The following GTPBP1 variants were observed in gnomAD, a reference collection of about 807,000 sequenced individuals.
The protein encoded by GTPBP1 is GTP-binding protein 1.
In GTPBP1, 23 loss-of-function variants were observed where a neutral mutation model predicts 62.0. The ratio of observed to expected loss-of-function variants is 0.37; its 90% confidence interval spans 0.27 to 0.53. The LOEUF (loss-of-function observed/expected upper bound fraction) is 0.53, where lower values mean the gene tolerates loss of function less well. Ranked by LOEUF, GTPBP1 falls within the 20% of genes least tolerant of loss-of-function variation. The pLI, the probability that GTPBP1 is intolerant of heterozygous loss-of-function variation, is 0.89. For missense variants in GTPBP1, 640 were observed against 917.3 expected, an observed-to-expected ratio of 0.70 and a Z score of 3.90; for synonymous variants, 344 against 364.4, an observed-to-expected ratio of 0.94 and a Z score of 0.64.
chr22:38,725,996 C>G lies in GTPBP1; in HGVS notation c.1074-10C>G, dbSNP rs1193391133. The G allele has an allele frequency of 1.2e-6, 2 of 1,613,088 alleles. No individual in the cohort carries two copies. The highest frequency in any genetic ancestry group is 1.7e-5 in the Admixed American group (1 of 59,970). ...TCTCCTTTTTTCCTTCCTCTTCTCC[C>G]TCTGCTTAGGATGTGCCCGATATTC... On this transcript the variant is annotated splice_polypyrimidine_tract_variant and intron_variant, in intron 6 of 11. Coordinates refer to ENST00000216044, the MANE Select transcript of GTPBP1 (RefSeq NM_004286.5).
Position 38,730,918 on chromosome 22 carries a change from G to C in GTPBP1, c.*214G>C. The C allele has an allele frequency of 5.6e-6, 3 of 538,132 alleles. No homozygotes were observed. The South Asian group carries it at 7.1e-5, about 13-fold the overall frequency. 33.3% of individuals were successfully genotyped at this position (538,132 alleles called of 1,614,324 possible). On this transcript the variant is annotated 3_prime_UTR_variant, in exon 12 of 12. Coordinates refer to ENST00000216044, the MANE Select transcript of GTPBP1 (RefSeq NM_004286.5). The surrounding 1 kb of genome is among the most constrained non-coding windows in gnomAD (Gnocchi z 5.6). Reference sequence around the variant, plus strand: ...TCCGGAGGACTGACCATCTCTCACTGTCCTCCCCACCTTCTTCCTCACTCA... The same window carrying C: ...TCCGGAGGACTGACCATCTCTCACTCTCCTCCCCACCTTCTTCCTCACTCA...
At chr22:38,725,039 A>G (rs1239289847) in intron 6 of GTPBP1, 1 of 152,754 alleles carries the variant, frequency 6.5e-6, no homozygotes, top group Non-Finnish European at 1.5e-5. Context: ...GAACTCTACT[A>G]ACTCTGCCTG....
At chr22:38,742,341 A>C, downstream of GTPBP1, 1 of 1,609,218 alleles carries the variant, frequency 6.2e-7, no homozygotes. Flanking sequence ...ATCCTCCTTC[A>C]GGGCAGCTTC....
chr22:38,723,797 C>CTT (rs962818584), intron 5 of GTPBP1, among the ~76,000 whole-genome samples: 1 of 152,344 alleles, frequency 6.6e-6, no homozygotes, highest in African/African-American at 2.4e-5. Flanking sequence ...GCCACCAAAG[C>CTT]TTTGACACAG....
rs1431711184 is a variant in GTPBP1, at chr22:38,726,021, C to T, written c.1089C>T (p.Phe363=). The T allele has an allele frequency of 7.4e-6, 12 of 1,613,912 alleles. No individual in the cohort carries two copies. Among genetic ancestry groups the T allele is most frequent in the Non-Finnish European group, 1.0e-5 (12 of 1,179,958 alleles). ...NFSSERMCPI[F]QISNVTGENL... ...CTCTGCTTAGGATGTGCCCGATATT[C>T]CAGATCTCCAACGTTACAGGCGAGA... Residue 363 remains phenylalanine (F), a synonymous_variant, in exon 7 of 12, where the codon TTC becomes TTT. Transcript: ENST00000216044. The surrounding 1 kb of genome is among the most constrained non-coding windows in gnomAD (Gnocchi z 4.1).
At chr22:38,723,979 T>C (rs1362197000) in intron 5 of GTPBP1, among the ~76,000 whole-genome samples, 1 of 152,078 alleles carries the variant, frequency 6.6e-6, no homozygotes, top group Non-Finnish European at 1.5e-5. Context: ...AGAACTGAAG[T>C]GTGAAGTGAA....
chr22:38,714,810 C>T (rs915993465), intron 2 of GTPBP1, among the ~76,000 whole-genome samples: 1 of 152,018 alleles, frequency 6.6e-6, no homozygotes, highest in Admixed American at 6.6e-5. Context: ...CAGGGGTGCT[C>T]TCAGAGACAG....
chr22:38,723,099 G>C (rs1396849382), intron 5 of GTPBP1: 6 of 770,554 alleles, frequency 7.8e-6, no homozygotes, highest in Non-Finnish European at 1.4e-5. Context: ...TGACTAAAGT[G>C]GGAATCCACT....
downstream of GTPBP1, chr22:38,739,099 T>G (rs1569295379): frequency 2.6e-6 from 3 of 1,143,872 alleles, no homozygotes; most frequent in East Asian, 5.1e-5. The surrounding 1 kb of genome is among the most constrained non-coding windows in gnomAD (Gnocchi z 6.7). Flanking sequence ...AGGCCTAGCC[T>G]TTAACCCTAA....
At chr22:38,741,696 C>T, downstream of GTPBP1, 1 of 820,942 alleles carries the variant, frequency 1.2e-6, no homozygotes. Context: ...GGCTCTCAGC[C>T]TTCTCTGAAC....
downstream of GTPBP1, chr22:38,742,380 G>T (rs564884199): frequency 4.3e-6 from 7 of 1,613,134 alleles, no homozygotes; most frequent in African/African-American, 4.0e-5. Context: ...CTCCAGCAGC[G>T]CCAGGGTGTC....
intron 10 of GTPBP1, 30 bp downstream of exon 10, chr22:38,728,191 C>T (rs1289012240): frequency 6.6e-6 from 10 of 1,513,116 alleles, no homozygotes; most frequent in Non-Finnish European, 9.2e-6. Flanking sequence ...TGCCTGCCTC[C>T]AGGAAGCACC....
In GTPBP1 at chr22:38,716,806, G is replaced by A; in HGVS notation, c.640G>A (p.Asp214Asn). Residue 214 changes from aspartate to asparagine, a missense_variant, in exon 4 of 12, where the codon GAC (aspartate) becomes AAC (asparagine). Coordinates refer to ENST00000216044, the MANE Select transcript of GTPBP1 (RefSeq NM_004286.5). This position sits in a 1 kb window ranked among gnomAD's most constrained non-coding sequence, Gnocchi z 5.2. ...ESGRTSSVGN[D>N]ILGFDSEGNV... ...TGGTCGCACCAGCAGTGTGGGCAACGACATTCTGGGCTTTGACAGTGAAGG... is the reference window on the plus strand; with the variant it reads ...TGGTCGCACCAGCAGTGTGGGCAACAACATTCTGGGCTTTGACAGTGAAGG... 1.9e-6 allele frequency: 3 copies of A among 1,614,208 alleles called. No individual in the cohort carries two copies. The highest frequency in any genetic ancestry group is 1.1e-5 in the South Asian group (1 of 91,074).
chr22:38,710,379 G>A (rs933266014), intron 2 of GTPBP1, among the ~76,000 whole-genome samples: 1 of 152,194 alleles, frequency 6.6e-6, no homozygotes, highest in African/African-American at 2.4e-5. Flanking sequence ...TGGAAATGTT[G>A]TAAGAGTGAC....
downstream of GTPBP1, chr22:38,738,271 AAG>A: frequency 6.2e-7 from 1 of 1,612,798 alleles, no homozygotes; most frequent in Non-Finnish European, 8.5e-7. This position sits in a 1 kb window ranked among gnomAD's most constrained non-coding sequence, Gnocchi z 6.6. Flanking sequence ...AACCCCTGCA[AAG>A]AGAGCGGAGG....
chr22:38,709,792 C>A (rs779034581), intron 2 of GTPBP1, among the ~76,000 whole-genome samples: 158 of 152,322 alleles, frequency 1.0e-3, no homozygotes, highest in African/African-American at 3.7e-3. Flanking sequence ...TAACAGAGGT[C>A]GTCCTCTCTC....
intron 4 of GTPBP1, among the ~76,000 whole-genome samples, chr22:38,719,885 A>G (rs551904303): frequency 4.6e-5 from 7 of 151,316 alleles, no homozygotes; most frequent in African/African-American, 7.3e-5. Flanking sequence ...TAAGCCATGA[A>G]TCAGTCACCA....
At chr22:38,740,527 C>T, downstream of GTPBP1, 3 of 1,332,612 alleles carry the variant, frequency 2.3e-6, no homozygotes, top group Non-Finnish European at 3.0e-6. This position sits in a 1 kb window ranked among gnomAD's most constrained non-coding sequence, Gnocchi z 4.8. Flanking sequence ...GGGCTCCCGT[C>T]AGGAGAGCGG....
rs761009738 is a variant in GTPBP1, at chr22:38,729,545, G to A, written c.1800G>A (p.Thr600=). 14 of 1,607,318 alleles carry A rather than the reference G, an allele frequency of 8.7e-6. No homozygotes were observed. Among genetic ancestry groups the A allele is most frequent in the East Asian group, 4.5e-5 (2 of 44,066 alleles). Residue 600 remains threonine, a synonymous_variant, in exon 11 of 12, where the codon ACG becomes ACA. Transcript: ENST00000216044. ...AGTCGACGAAAAAGGGCCCCCTGACGAAACGAGACGAGGGGGGCCCGTCTG... is the reference window on the plus strand; with the variant it reads ...AGTCGACGAAAAAGGGCCCCCTGACAAAACGAGACGAGGGGGGCCCGTCTG... ...KMQSTKKGPL[T]KRDEGGPSGG...
Sources: allele counts gnomAD v4.1 joint callset (sites outside exome capture counted in the v4.1 genomes callset), GRCh38; gene constraint gnomAD v4.1.1; non-coding constraint Gnocchi (gnomAD v3.1); transcripts MANE v1.5; gene names NCBI Gene and HGNC (gene_info 2026-07-23, HGNC 2026-07-21).